CMTM8: variants seen among roughly 807,000 people sequenced by gnomAD.
CMTM8 encodes the protein CKLF like MARVEL transmembrane domain containing 8, also known as CKLF-like MARVEL transmembrane domain-containing protein 8.
In CMTM8, 12 loss-of-function variants were observed where a neutral mutation model predicts 18.6. The observed-to-expected ratio is 0.65, with a 90% confidence interval of 0.41 to 1.05. The LOEUF (loss-of-function observed/expected upper bound fraction) is 1.05, where lower values mean the gene tolerates loss of function less well. CMTM8 is among the 50% of genes least tolerant of loss of function. The pLI is 0.00. For synonymous variants in CMTM8, 87 were observed against 90.6 expected, an observed-to-expected ratio of 0.96 and a Z score of 0.23; for missense variants, 217 against 227.2, an observed-to-expected ratio of 0.95 and a Z score of 0.29.
At chr3:32,287,749 T>C (rs978247964) in intron 1 of CMTM8, among the ~76,000 whole-genome samples, 11 of 152,224 alleles carry the variant, frequency 7.2e-5, no homozygotes, top group African/African-American at 2.7e-4. Flanking sequence ...TGTCCGCCAT[T>C]ATTTAATGTA....
At chr3:32,277,565 G>C (rs750611186) in intron 1 of CMTM8, among the ~76,000 whole-genome samples, 1 of 151,998 alleles carries the variant, frequency 6.6e-6, no homozygotes, top group Non-Finnish European at 1.5e-5. Context: ...GACTGCATTT[G>C]AGGGTGATGA....
chr3:32,368,456 ATTTTT>A (rs10594471), intron 3 of CMTM8, among the ~76,000 whole-genome samples: 2 of 128,132 alleles, frequency 1.6e-5, no homozygotes, highest in African/African-American at 3.0e-5. Context: ...AGAAACTTCT[ATTTTT>A]TTTTTTTTTT....
In CMTM8 at chr3:32,358,068, G is replaced by T. The variant is rs1487481790; in HGVS notation, c.321+522G>T. On this transcript the variant is annotated intron_variant, in intron 2 of 3. Transcript: ENST00000307526. The surrounding 1 kb of genome is among the most constrained non-coding windows in gnomAD (Gnocchi z 4.1). ...TTTGAAAAGGAGAATTGTCAGGAAT[G>T]ACTGGATTCTCATCCTGGCTCTGGC... Among the ~76,000 whole-genome samples, 4 of 152,212 alleles carry T rather than the reference G, an allele frequency of 2.6e-5. No homozygotes were observed. The highest frequency in any genetic ancestry group is 6.5e-5 in the Admixed American group (1 of 15,278).
intron 1 of CMTM8, 48 bp from the exon 2 acceptor site, chr3:32,357,325 T>G: frequency 7.2e-7 from 1 of 1,387,456 alleles, no homozygotes; most frequent in Non-Finnish European, 9.9e-7. Context: ...TCTTTTTCTT[T>G]ATCTTCTACT....
intron 1 of CMTM8, among the ~76,000 whole-genome samples, chr3:32,326,205 A>T (rs1312440491): frequency 2.0e-5 from 3 of 152,208 alleles, no homozygotes. Context: ...CTCCCCATAC[A>T]GCCATTGGCA....
intron 1 of CMTM8, among the ~76,000 whole-genome samples, chr3:32,332,633 C>T (rs961435631): frequency 2.0e-5 from 3 of 152,150 alleles, no homozygotes; most frequent in African/African-American, 4.8e-5. Context: ...TTAGCACGCT[C>T]AGCCGCCTCA....
intron 1 of CMTM8, among the ~76,000 whole-genome samples, chr3:32,309,997 C>A (rs1195249442): frequency 6.6e-6 from 1 of 152,186 alleles, no homozygotes; most frequent in Non-Finnish European, 1.5e-5. Context: ...GTTCTCACAG[C>A]CAGTCTTTAT....
chr3:32,335,469 T>C (rs1696368030), intron 1 of CMTM8, among the ~76,000 whole-genome samples: 1 of 152,188 alleles, frequency 6.6e-6, no homozygotes, highest in Admixed American at 6.5e-5. Flanking sequence ...CATGGAAATG[T>C]GTGCAGGTAG....
At chr3:32,318,321 C>G (rs1291073748) in intron 1 of CMTM8, among the ~76,000 whole-genome samples, 2 of 151,962 alleles carry the variant, frequency 1.3e-5, no homozygotes, top group African/African-American at 4.8e-5. Flanking sequence ...ATTTTTTAAC[C>G]AGGTCAGTGT....
intron 1 of CMTM8, among the ~76,000 whole-genome samples, chr3:32,299,098 C>A (rs1233311814): frequency 1.3e-5 from 2 of 151,430 alleles, no homozygotes; most frequent in Non-Finnish European, 2.9e-5. Context: ...CAGATTGCTG[C>A]TTCAAATCCC....
chr3:32,296,424 G>A (rs1702880243), intron 1 of CMTM8, among the ~76,000 whole-genome samples: 1 of 152,234 alleles, frequency 6.6e-6, no homozygotes, highest in South Asian at 2.1e-4. Flanking sequence ...TAGACAGATG[G>A]ATAGTTGAAG....
At chr3:32,262,554 A>G (rs1432146679) in intron 1 of CMTM8, among the ~76,000 whole-genome samples, 1 of 152,216 alleles carries the variant, frequency 6.6e-6, no homozygotes, top group East Asian at 1.9e-4. Flanking sequence ...CTTCTAAAAC[A>G]TTCTAAGGAC....
At position 32,249,591 on chromosome 3, in the gene CMTM8, G is replaced by A. The variant is rs569889186; in HGVS notation, c.147+10472G>A. Among the ~76,000 whole-genome samples the A allele has an allele frequency of 1.0e-3, 157 of 152,238 alleles. No individual in the cohort carries two copies. The Middle Eastern group carries it at 0.017, about 16-fold the overall frequency. ...TGACCATCCTAGTGAATGTGAGATC[G>A]TATCTCATTGTGGTTTGGGTTTGCA... On this transcript the variant is annotated intron_variant, in intron 1 of 3. Transcript: ENST00000307526.
intron 1 of CMTM8, among the ~76,000 whole-genome samples, chr3:32,246,064 C>A (rs567881511): frequency 3.3e-5 from 5 of 152,212 alleles, no homozygotes; most frequent in Non-Finnish European, 7.3e-5. Flanking sequence ...GTGATCCACC[C>A]ACCTTGGCCT....
At chr3:32,268,881 A>G (rs982459399) in intron 1 of CMTM8, among the ~76,000 whole-genome samples, 1 of 152,168 alleles carries the variant, frequency 6.6e-6, no homozygotes, top group Non-Finnish European at 1.5e-5. Flanking sequence ...TCCTTCATCT[A>G]TTCAAAATTA....
chr3:32,291,373 C>A (rs1047041870), intron 1 of CMTM8, among the ~76,000 whole-genome samples: 2 of 151,930 alleles, frequency 1.3e-5, no homozygotes, highest in African/African-American at 4.8e-5. Flanking sequence ...ATCTCCTGAC[C>A]TCGTGATCCG....
chr3:32,270,427 T>G (rs1223347114), intron 1 of CMTM8, among the ~76,000 whole-genome samples: 1 of 152,200 alleles, frequency 6.6e-6, no homozygotes, highest in Non-Finnish European at 1.5e-5. Context: ...ACACATATGT[T>G]TATTGCAGCA....
chr3:32,264,408 G>A (rs553038115), intron 1 of CMTM8, among the ~76,000 whole-genome samples: 29 of 152,264 alleles, frequency 1.9e-4, no homozygotes, highest in Non-Finnish European at 3.7e-4. Context: ...AATGCTGAGC[G>A]ATTTTGTCAC....
chr3:32,259,410 G>A (rs937532738), intron 1 of CMTM8: 8 of 870,130 alleles, frequency 9.2e-6, no homozygotes, highest in Non-Finnish European at 1.6e-5. Flanking sequence ...GACAATGCCT[G>A]TCTTGCTGCT....
Sources: allele counts gnomAD v4.1 joint callset (sites outside exome capture counted in the v4.1 genomes callset), GRCh38; gene constraint gnomAD v4.1.1; non-coding constraint Gnocchi (gnomAD v3.1); transcripts MANE v1.5; gene names NCBI Gene and HGNC (gene_info 2026-07-23, HGNC 2026-07-21).